PPP2R3B: variants seen among roughly 807,000 people sequenced by gnomAD.
The protein encoded by PPP2R3B is serine/threonine-protein phosphatase 2A regulatory subunit B'' subunit beta.
PPP2R3B carries 68 observed loss-of-function variants against 72.9 expected under a neutral mutation model. The observed-to-expected ratio is 0.93, with a 90% confidence interval of 0.77 to 1.14. The LOEUF is 1.14. Among genes scored for constraint, PPP2R3B ranks in the 50% most tolerant of loss-of-function variants. The pLI is 0.00. For synonymous variants in PPP2R3B, 466 were observed against 375.8 expected (o/e 1.24, Z -2.78); for missense variants, 1,018 against 842.0 (o/e 1.21, Z -2.59).
chrX:381,722 C>T lies in PPP2R3B; in HGVS notation c.324+4646G>A, dbSNP rs191317760. Among the ~76,000 whole-genome samples the T allele has an allele frequency of 6.6e-3, 999 of 151,632 alleles. 7 individuals are homozygous for T. The highest frequency in any genetic ancestry group is 0.027 in the Middle Eastern group (8 of 294). On this transcript the variant is annotated intron_variant, in intron 1 of 12. Transcript: ENST00000390665. Reference sequence around the variant, plus strand: ...CATGCCATTCTCCTGCCTCAGCCTCCGGAGTAGCTGGGACTACAGGCACCC... The same window carrying T: ...CATGCCATTCTCCTGCCTCAGCCTCTGGAGTAGCTGGGACTACAGGCACCC...
intron 2 of PPP2R3B, among the ~76,000 whole-genome samples, chrX:351,595 G>A (rs1335916429): frequency 7.0e-6 from 1 of 143,754 alleles, no homozygotes; most frequent in Non-Finnish European, 1.5e-5. Flanking sequence ...CTGGAGTGCA[G>A]TGTGTGATCA....
chrX:381,308 C>T (rs2072118689), intron 1 of PPP2R3B, among the ~76,000 whole-genome samples: 1 of 152,162 alleles, frequency 6.6e-6, no homozygotes, highest in South Asian at 2.1e-4. Flanking sequence ...ACACAGAATG[C>T]AATCTCTCTG....
rs140236538 is a variant in PPP2R3B at position 340,799 on chromosome X, G to A, written c.1317C>T (p.Cys439=). 969 of 1,601,628 alleles carry A rather than the reference G, an allele frequency of 6.1e-4. 4 individuals are homozygous for A. In the African/African-American group the frequency reaches 8.5e-3, roughly 14 times the overall value. ...IEALPFQDCL[C]QMLDLVKPRT... is the part of the protein sequence containing the mutation. ...TCGGCTTGACCAGGTCCAGCATCTGGCAGAGGCAGTCCTGGAAGGGCAGGG... is the reference window on the plus strand; with the variant it reads ...TCGGCTTGACCAGGTCCAGCATCTGACAGAGGCAGTCCTGGAAGGGCAGGG... The change falls in exon 10 of 13, where the codon TGC becomes TGT. Residue 439 remains cysteine, a synonymous_variant. Coordinates refer to ENST00000390665, the MANE Select transcript of PPP2R3B (RefSeq NM_013239.5).
At chrX:348,168 T>G (rs758006419) in intron 2 of PPP2R3B, among the ~76,000 whole-genome samples, 78 of 152,274 alleles carry the variant, frequency 5.1e-4, no homozygotes, top group African/African-American at 1.9e-3. Flanking sequence ...ATCGATCGTC[T>G]ACACTTCTAC....
chrX:347,386 G>A (rs769879998), intron 3 of PPP2R3B, 50 bp from the exon 4 acceptor site: 69 of 1,536,586 alleles, frequency 4.5e-5, no homozygotes, highest in Non-Finnish European at 5.6e-5. Flanking sequence ...GGTGGCTTTC[G>A]ACCCCGCAGA....
chrX:371,599 C>T (rs2071866075), intron 1 of PPP2R3B, among the ~76,000 whole-genome samples: 2 of 152,122 alleles, frequency 1.3e-5, no homozygotes, highest in African/African-American at 4.8e-5. Context: ...CCGTGGAAGG[C>T]TGTGCCCGTC....
intron 2 of PPP2R3B, among the ~76,000 whole-genome samples, chrX:359,135 G>T (rs1347055124): frequency 1.3e-5 from 2 of 152,162 alleles, no homozygotes; most frequent in African/African-American, 2.4e-5. Flanking sequence ...AGCCCGAGGC[G>T]CGCAGAGACC....
chrX:351,448 G>A (rs372567094), intron 2 of PPP2R3B, among the ~76,000 whole-genome samples: 5 of 152,352 alleles, frequency 3.3e-5, no homozygotes, highest in East Asian at 3.9e-4. Flanking sequence ...CAGGGATGGA[G>A]CATCAGATCT....
At position 345,625 on chromosome X, in the gene PPP2R3B, T is replaced by C. The variant is rs1241022457; in HGVS notation, c.927A>G (p.Glu309=). 6.8e-6 allele frequency: 11 copies of C among 1,612,972 alleles called. No individual in the cohort carries two copies. Among genetic ancestry groups the C allele is most frequent in the Non-Finnish European group, 3.4e-6 (4 of 1,179,476 alleles). Residue 309 remains glutamate (E), a synonymous_variant, in exon 7 of 13, where the codon GAA becomes GAG. Transcript: ENST00000390665. ...CGTAGAAATGCTCGTACGAGAAGAATTCGGTCAGCTGGTTGATGTCCGCCT... is the reference window on the plus strand; with the variant it reads ...CGTAGAAATGCTCGTACGAGAAGAACTCGGTCAGCTGGTTGATGTCCGCCT... ...EEEADINQLT[E]FFSYEHFYVI... is the part of the protein sequence containing the mutation.
At chrX:351,179 C>A (rs1293828546) in intron 2 of PPP2R3B, among the ~76,000 whole-genome samples, 3 of 152,158 alleles carry the variant, frequency 2.0e-5, no homozygotes, top group Non-Finnish European at 4.4e-5. Flanking sequence ...TGCCGGCTCC[C>A]GTGATGAGGA....
chrX:373,075 G>T (rs1183849948), intron 1 of PPP2R3B, among the ~76,000 whole-genome samples: 1 of 152,142 alleles, frequency 6.6e-6, no homozygotes, highest in Non-Finnish European at 1.5e-5. Flanking sequence ...ATAACGCCGG[G>T]AAAGTTTCAC....
At chrX:346,126 A>AGGGGTAGGGACAAGGCAG (rs1438537502) in intron 6 of PPP2R3B, 48 bp downstream of exon 6, 20 of 1,045,500 alleles carry the variant, frequency 1.9e-5, no homozygotes, top group East Asian at 1.3e-4. Flanking sequence ...TGGAGGTAGG[A>AGGGGTAGGGACAAGGCAG]GGGGTAGGGA....
chrX:371,001 A>T (rs2071849567), intron 1 of PPP2R3B, among the ~76,000 whole-genome samples: 1 of 152,012 alleles, frequency 6.6e-6, no homozygotes, highest in African/African-American at 2.4e-5. Context: ...CTGTGTGCTG[A>T]GTCAGTGTGT....
chrX:346,923 G>A (rs1391091243), intron 4 of PPP2R3B, 148 bp from the exon 5 acceptor site: 3 of 782,862 alleles, frequency 3.8e-6, no homozygotes, highest in Non-Finnish European at 6.3e-6. Context: ...GAGGCGTATG[G>A]TGTAGACGCC....
chrX:372,793 A>G (rs2071894409), intron 1 of PPP2R3B, among the ~76,000 whole-genome samples: 1 of 152,148 alleles, frequency 6.6e-6, no homozygotes, highest in Admixed American at 6.5e-5. Context: ...CCCCGTCCCT[A>G]CTAAAAATGC....
intron 1 of PPP2R3B, among the ~76,000 whole-genome samples, chrX:368,498 G>A (rs1414603145): frequency 2.4e-5 from 3 of 125,578 alleles, no homozygotes; most frequent in South Asian, 2.7e-4. Flanking sequence ...GGGGAAGGCC[G>A]GGACCACCCA....
At position 344,132 on chromosome X, in the gene PPP2R3B, G is replaced by A. The variant is rs1201126194; in HGVS notation, c.1036+1384C>T. On this transcript the variant is annotated intron_variant, in intron 7 of 12. Coordinates refer to ENST00000390665, the MANE Select transcript of PPP2R3B (RefSeq NM_013239.5). ...GAGTGAGACCTCACCAACGGGAGGCGGGAGGGAGACCTCAGCAACGGGAGG... is the reference window on the plus strand; with the variant it reads ...GAGTGAGACCTCACCAACGGGAGGCAGGAGGGAGACCTCAGCAACGGGAGG... Among the ~76,000 whole-genome samples the A allele has an allele frequency of 3.8e-5, 4 of 105,500 alleles. 1 individual carries two copies. The highest frequency in any genetic ancestry group is 2.7e-4 in the Admixed American group (3 of 11,100). 69.2% of individuals were successfully genotyped at this position (105,500 alleles called of 152,430 possible).
Position 338,911 on chromosome X carries a change from G to T in PPP2R3B, c.1352-15C>A. 2 of 1,608,044 alleles carry T rather than the reference G, an allele frequency of 1.2e-6. No individual in the cohort carries two copies. Among genetic ancestry groups the T allele is most frequent in the South Asian group, 1.1e-5 (1 of 90,974 alleles). On this transcript the variant is annotated splice_polypyrimidine_tract_variant and intron_variant, in intron 10 of 12. Transcript: ENST00000390665. ...CGTGATCTTCCCTGCGGGGAGGGGA[G>T]TGCGTCCAAGGCGCGTGAGCCCGGT... is the stretch of plus-strand genomic sequence containing the variant.
At chrX:359,082 G>A (rs1244448542) in intron 2 of PPP2R3B, among the ~76,000 whole-genome samples, 1 of 152,214 alleles carries the variant, frequency 6.6e-6, no homozygotes, top group Non-Finnish European at 1.5e-5. Context: ...TGTAGGACCC[G>A]AAGCGGACGC....
Sources: allele counts gnomAD v4.1 joint callset (sites outside exome capture counted in the v4.1 genomes callset), GRCh38; gene constraint gnomAD v4.1.1; transcripts MANE v1.5; gene names NCBI Gene and HGNC (gene_info 2026-07-23, HGNC 2026-07-21).